Variants in SGK2 observed in about 807,000 individuals in gnomAD.
The protein encoded by SGK2 is serine/threonine-protein kinase Sgk2.
A neutral mutation model predicts 47.5 loss-of-function variants in SGK2; 36 were observed. The observed-to-expected ratio is 0.76, with a 90% CI of 0.58 to 1.00. SGK2 has a LOEUF of 1.00. SGK2 is among the 50% of genes least tolerant of loss of function. The probability of loss-of-function intolerance (pLI) is 0.00; values close to 1 mark genes in which losing one functional copy is unlikely to be tolerated. For missense variants in SGK2, 404 were observed against 467.4 expected (o/e 0.86, Z 1.25); for synonymous variants, 157 against 181.9 (o/e 0.86, Z 1.10).
chr20:43,566,922 G>C (rs1196654240), intron 2 of SGK2, 146 bp from the exon 3 acceptor site: 2 of 626,742 alleles, frequency 3.2e-6, no homozygotes, highest in East Asian at 2.8e-5. Flanking sequence ...GAGGGAGGCG[G>C]GCAGGCGGGC....
intron 8 of SGK2, among the ~76,000 whole-genome samples, chr20:43,571,382 T>C (rs759203477): frequency 6.6e-6 from 1 of 152,144 alleles, no homozygotes; most frequent in Non-Finnish European, 1.5e-5. Flanking sequence ...AGAAGCTTTA[T>C]TGGGGAACAT....
intron 1 of SGK2, among the ~76,000 whole-genome samples, chr20:43,563,405 A>G (rs1379647923): frequency 6.6e-6 from 1 of 152,188 alleles, no homozygotes; most frequent in Non-Finnish European, 1.5e-5. Context: ...AATTCTTCAG[A>G]GAAGTTGAAT....
chr20:43,566,272 G>T, intron 1 of SGK2: 2 of 1,460,960 alleles, frequency 1.4e-6, no homozygotes, highest in South Asian at 1.2e-5. Flanking sequence ...TGAGATGTTT[G>T]TTAGGAAGTC....
chr20:43,567,575 C>A, intron 3 of SGK2, 90 bp from the exon 4 acceptor site: 3 of 1,220,064 alleles, frequency 2.5e-6, no homozygotes, highest in Non-Finnish European at 3.6e-6. Flanking sequence ...TTTCCCCATT[C>A]TAAAGTTAAA....
rs1252643805 is a variant in SGK2 at position 43,570,708 on chromosome 20, A to G, written c.452A>G (p.His151Arg). The change falls in exon 7 of 13, where the codon CAC becomes CGC. Residue 151 changes from histidine to arginine, a missense_variant. Transcript: ENST00000373100. ...GTGGCCAGCGCCATTGGCTACCTGC[A>G]CTCCCTCAACATCATTTACAGGTGA... ...AEVASAIGYL[H>R]SLNIIYRDLK... 6.2e-7 allele frequency: 1 copy of G among 1,612,978 alleles called. No individual in the cohort carries two copies. Among genetic ancestry groups the G allele is most frequent in the Non-Finnish European group, 8.5e-7 (1 of 1,179,158 alleles).
chr20:43,561,623 A>C (rs749066071), intron 1 of SGK2, among the ~76,000 whole-genome samples: 6 of 151,956 alleles, frequency 3.9e-5, no homozygotes, highest in Non-Finnish European at 8.8e-5. Context: ...CTCTGACCTC[A>C]TGATCCACCC....
chr20:43,577,323 G>A (rs898896050), intron 11 of SGK2, among the ~76,000 whole-genome samples: 14 of 151,838 alleles, frequency 9.2e-5, no homozygotes, highest in East Asian at 1.9e-4. Flanking sequence ...GCTTCTTTGC[G>A]GAGAGTGGAC....
intron 9 of SGK2, among the ~76,000 whole-genome samples, chr20:43,573,893 C>A (rs1980308889): frequency 3.3e-5 from 5 of 152,172 alleles, no homozygotes; most frequent in African/African-American, 1.2e-4. Context: ...AACCCCAGCT[C>A]ATGTAGGAGA....
chr20:43,571,534 T>C (rs1427577967), intron 8 of SGK2, among the ~76,000 whole-genome samples: 1 of 152,152 alleles, frequency 6.6e-6, no homozygotes, highest in Non-Finnish European at 1.5e-5. Flanking sequence ...TCTCTAGGAT[T>C]GTCCCAAAAT....
Position 43,572,269 on chromosome 20 carries a change from C to T in SGK2, c.597+132C>T. On this transcript the variant is annotated intron_variant, in intron 9 of 12. Coordinates refer to ENST00000373100, the MANE Select transcript of SGK2 (RefSeq NM_170693.3). This position sits in a 1 kb window ranked among gnomAD's most constrained non-coding sequence, Gnocchi z 4.2. ...ACACTTCTCCTGAGTGGGCTATACA[C>T]TGAACTGTGGTTTCCTCATCTATGT... 1.5e-6 allele frequency: 1 copy of T among 682,494 alleles called. No homozygotes were observed. Among genetic ancestry groups the T allele is most frequent in the Admixed American group, 2.3e-5 (1 of 42,606 alleles). 42.3% of individuals were successfully genotyped at this position (682,494 alleles called of 1,614,324 possible). A position where few individuals can be genotyped will look rare whatever the true frequency, so the allele number is the denominator to read the frequency against.
chr20:43,563,387 G>C (rs1979505493), intron 1 of SGK2, among the ~76,000 whole-genome samples: 2 of 152,118 alleles, frequency 1.3e-5, no homozygotes, highest in African/African-American at 4.8e-5. Flanking sequence ...GGGAACATGA[G>C]CACACCAAAT....
chr20:43,566,293 G>A (rs1457487851), intron 1 of SGK2, 180 bp from the exon 2 acceptor site: 2 of 1,572,156 alleles, frequency 1.3e-6, no homozygotes, highest in Admixed American at 3.4e-5. Context: ...TGGGTCCAGG[G>A]GATATCATTT....
At chr20:43,577,737 A>G (rs1980553425) in intron 11 of SGK2, among the ~76,000 whole-genome samples, 2 of 146,206 alleles carry the variant, frequency 1.4e-5, no homozygotes, top group African/African-American at 5.1e-5. Flanking sequence ...TCCATCTCCC[A>G]GGTTCAAGCA....
chr20:43,581,076 C>T (rs945639834), intron 12 of SGK2, among the ~76,000 whole-genome samples: 1 of 151,978 alleles, frequency 6.6e-6, no homozygotes, highest in African/African-American at 2.4e-5. Flanking sequence ...GGGGTTTCAC[C>T]ATGTTAGCCA....
intron 11 of SGK2, among the ~76,000 whole-genome samples, chr20:43,579,712 G>A (rs1262270047): frequency 6.6e-6 from 1 of 152,152 alleles, no homozygotes; most frequent in Non-Finnish European, 1.5e-5. Context: ...GCCTAGCAAA[G>A]GGTCGGTGCC....
intron 9 of SGK2, among the ~76,000 whole-genome samples, chr20:43,573,562 T>C (rs1223916929): frequency 1.4e-5 from 2 of 148,054 alleles, no homozygotes; most frequent in African/African-American, 5.0e-5. Context: ...CCTGAAGGGG[T>C]CCCCAGTGGC....
chr20:43,567,941 A>G lies in SGK2; in HGVS notation c.170A>G (p.Asp57Gly), dbSNP rs753794614. The G allele has an allele frequency of 1.4e-5, 22 of 1,614,090 alleles. No individual in the cohort carries two copies. The South Asian group carries it at 2.4e-4, about 18-fold the overall frequency. The change falls in exon 5 of 13, where the codon GAT (aspartate) becomes GGT (glycine). Residue 57 changes from aspartate to glycine, a missense_variant. Coordinates refer to ENST00000373100, the MANE Select transcript of SGK2 (RefSeq NM_170693.3). The stretch of plus-strand genomic sequence containing the variant: ...GTCCTACTGGCCAAGCGCAAGTCTG[A>G]TGGGGCGTTCTATGCAGTGAAGGTA... ...GKVLLAKRKS[D>G]GAFYAVKVLQ...
At chr20:43,569,029 TG>T (rs1371039499) in intron 5 of SGK2, among the ~76,000 whole-genome samples, 1 of 152,174 alleles carries the variant, frequency 6.6e-6, no homozygotes, top group East Asian at 1.9e-4. Context: ...GGAAATAGCA[TG>T]AGCAAATACA....
At chr20:43,560,360 G>T (rs575359038) in intron 1 of SGK2, among the ~76,000 whole-genome samples, 1 of 152,158 alleles carries the variant, frequency 6.6e-6, no homozygotes, top group East Asian at 1.9e-4. Flanking sequence ...TTAGCCGAGC[G>T]TCGTGACACA....
Sources: gnomAD v4.1 joint callset for allele counts (sites outside exome capture counted in the v4.1 genomes callset) on GRCh38, gnomAD v4.1.1 for gene constraint, Gnocchi (gnomAD v3.1) non-coding constraint, MANE v1.5 for transcripts, NCBI Gene and HGNC (gene_info 2026-07-23, HGNC 2026-07-21) for gene names.